The following IPO5 variants were observed in gnomAD, a reference collection of about 807,000 sequenced individuals.
The protein encoded by IPO5 is importin 5.
In IPO5, 18 loss-of-function variants were observed where a neutral mutation model predicts 143.3. That is an observed-to-expected ratio of 0.13 (90% CI 0.09 to 0.19). The LOEUF (loss-of-function observed/expected upper bound fraction) is 0.19. Ranked by LOEUF, IPO5 falls within the 10% of genes least tolerant of loss-of-function variation. The pLI is 1.00. For missense variants in IPO5, 1,013 were observed against 1,336.9 expected (o/e 0.76, Z 3.78); for synonymous variants, 477 against 465.7 (o/e 1.02, Z -0.31).
In IPO5 at chr13:98,021,742, G is replaced by A. The variant is rs757334325; in HGVS notation, c.3214G>A (p.Gly1072Arg). The change falls in exon 29 of 29, where the codon GGA becomes AGA. Residue 1072 changes from glycine (G) to arginine (R), a missense_variant. By Grantham distance (125) the Gly-to-Arg change is moderately radical (BLOSUM62 -2). Transcript: ENST00000651721. ...ANVVRQVQTS[G>R]GLWTECIAQL... is the part of the protein sequence containing the mutation. ...AAAATGTTTCTTTCCCTAGACTTCT[G>A]GAGGACTGTGGACTGAGTGCATAGC... is the stretch of plus-strand genomic sequence containing the variant. 1 of 1,546,006 alleles carries A rather than the reference G, an allele frequency of 6.5e-7. No homozygotes were observed. The highest frequency in any genetic ancestry group is 1.8e-5 in the Admixed American group (1 of 56,954).
At chr13:97,969,169 A>ATTTTTT (rs1566454631) in intron 2 of IPO5, among the ~76,000 whole-genome samples, 1 of 72,300 alleles carries the variant, frequency 1.4e-5, no homozygotes, top group African/African-American at 7.4e-5. Flanking sequence ...ATATATATAT[A>ATTTTTT]TATATATTTT....
intron 11 of IPO5, among the ~76,000 whole-genome samples, chr13:97,995,469 A>T (rs1247189892): frequency 6.6e-6 from 1 of 152,074 alleles, no homozygotes; most frequent in Non-Finnish European, 1.5e-5. Context: ...CTTATTAAAA[A>T]AACAGGCCGG....
intron 2 of IPO5, among the ~76,000 whole-genome samples, chr13:97,964,946 C>T (rs1885198918): frequency 6.6e-6 from 1 of 152,130 alleles, no homozygotes; most frequent in Non-Finnish European, 1.5e-5. Context: ...CAACCAAATG[C>T]CCATCAATGA....
intron 17 of IPO5, 72 bp downstream of exon 17, chr13:98,006,420 G>A (rs1889258045): frequency 1.1e-6 from 1 of 942,078 alleles, no homozygotes; most frequent in East Asian, 2.9e-5. Flanking sequence ...TGTCACCCAG[G>A]CTGGAGTGCA....
chr13:97,955,308 A>C (rs1263393204), intron 2 of IPO5, among the ~76,000 whole-genome samples: 1 of 152,004 alleles, frequency 6.6e-6, no homozygotes, highest in Non-Finnish European at 1.5e-5. Flanking sequence ...AAATATCCTC[A>C]GCTGTCTTCT....
At chr13:97,995,462 A>G (rs140338509) in intron 11 of IPO5, among the ~76,000 whole-genome samples, 5 of 152,134 alleles carry the variant, frequency 3.3e-5, no homozygotes, top group African/African-American at 1.2e-4. Flanking sequence ...TAGACAGCTT[A>G]TTAAAAAAAC....
chr13:97,996,360 G>A (rs1032063503), intron 11 of IPO5, among the ~76,000 whole-genome samples: 2 of 152,036 alleles, frequency 1.3e-5, no homozygotes, highest in East Asian at 1.9e-4. Context: ...CAGGAAATTC[G>A]TAAAAGAGGG....
At chr13:97,989,253 T>G in intron 7 of IPO5, 89 bp downstream of exon 7, 2 of 666,436 alleles carry the variant, frequency 3.0e-6, no homozygotes, top group South Asian at 4.4e-5. Context: ...TAATTTAACC[T>G]TATACTTAAA....
intron 13 of IPO5, among the ~76,000 whole-genome samples, chr13:98,001,403 G>GCAGCCTC (rs1888761104): frequency 6.6e-6 from 1 of 152,096 alleles, no homozygotes; most frequent in Non-Finnish European, 1.5e-5. Flanking sequence ...TCAGCTCACC[G>GCAGCCTC]CAGCCTCCAC....
chr13:98,005,692 A>G (rs1555310010), intron 16 of IPO5, among the ~76,000 whole-genome samples: 5 of 151,976 alleles, frequency 3.3e-5, no homozygotes, highest in Non-Finnish European at 5.9e-5. Flanking sequence ...TTCTGGGGAG[A>G]GGGGGTTAGA....
intron 2 of IPO5, among the ~76,000 whole-genome samples, chr13:97,963,967 A>G (rs1259323088): frequency 6.6e-6 from 1 of 152,004 alleles, no homozygotes; most frequent in African/African-American, 2.4e-5. Context: ...GCTTTTTTTC[A>G]TATGTTTGTT....
At chr13:97,966,133 CAA>C (rs34256210) in intron 2 of IPO5, among the ~76,000 whole-genome samples, 4,244 of 89,274 alleles carry the variant, frequency 0.048, 76 homozygotes, top group South Asian at 0.17. Context: ...GGCCCCCTCT[CAA>C]AAAAAAAAAA....
In IPO5 at chr13:98,018,492, A is replaced by T. The variant is rs762009062; in HGVS notation, c.2624A>T (p.His875Leu). ...AGAGAATTTCTTTTGTAGTGTCCAC[A>T]TAGACCATGGCCAGACAGACAATGG... ...LPLIVNLICP[H>L]RPWPDRQWGL... The change falls in exon 26 of 29, where the codon CAT (histidine) becomes CTT (leucine). Residue 875 changes from histidine (H) to leucine (L), a missense_variant. This residue lies in a region of IPO5 where 685 missense variants were observed against 994.9 expected (regional missense o/e 0.69). Coordinates refer to ENST00000651721, the MANE Select transcript of IPO5 (RefSeq NM_002271.6). The T allele has an allele frequency of 1.2e-6, 2 of 1,612,966 alleles. No individual in the cohort carries two copies. Among genetic ancestry groups the T allele is most frequent in the East Asian group, 2.2e-5 (1 of 44,866 alleles).
In IPO5 at chr13:98,000,812, TAC is replaced by T. The variant is rs1888706947; in HGVS notation, c.1108+169_1108+170del. On this transcript the variant is annotated intron_variant, in intron 13 of 28. Transcript: ENST00000651721. ...AAAATTGTCAATCCCAAAGAAAATGTACAGATTTACTTCCTAGCCAAAAGTAT... is the reference window on the plus strand; with the variant it reads ...AAAATTGTCAATCCCAAAGAAAATGTAGATTTACTTCCTAGCCAAAAGTAT... 4 of 587,092 alleles carry T rather than the reference TAC, an allele frequency of 6.8e-6. No homozygotes were observed. The East Asian group carries it at 1.1e-4, about 16-fold the overall frequency. The allele number at this position is 587,092 out of a possible 1,614,324, so 36.4% of individuals were successfully genotyped here. A position where few individuals can be genotyped will look rare whatever the true frequency, so the allele number is the denominator to read the frequency against.
At chr13:97,956,098 C>T (rs1231186735) in intron 2 of IPO5, among the ~76,000 whole-genome samples, 2 of 150,088 alleles carry the variant, frequency 1.3e-5, no homozygotes, top group African/African-American at 2.5e-5. Context: ...CGCCACTGCA[C>T]TCCAGCCTGG....
chr13:98,010,598 A>T (rs767431686), intron 20 of IPO5, among the ~76,000 whole-genome samples: 1 of 152,124 alleles, frequency 6.6e-6, no homozygotes, highest in African/African-American at 2.4e-5. Context: ...AAGTGTGTTC[A>T]TGCTATTTAA....
chr13:98,021,442 C>T (rs1010354133), intron 28 of IPO5: 5 of 350,578 alleles, frequency 1.4e-5, no homozygotes, highest in Non-Finnish European at 2.5e-5. Context: ...AACTTGTCAT[C>T]TGCCAAAAAA....
At chr13:98,015,866 T>C (rs769999165) in intron 24 of IPO5, 85 bp downstream of exon 24, 2 of 811,846 alleles carry the variant, frequency 2.5e-6, no homozygotes, top group African/African-American at 3.4e-5. Context: ...TTTATGTGAC[T>C]TGTCATTCTG....
chr13:98,000,245 A>G (rs1454784437), intron 12 of IPO5, among the ~76,000 whole-genome samples: 1 of 152,020 alleles, frequency 6.6e-6, no homozygotes, highest in African/African-American at 2.4e-5. Flanking sequence ...AGATCGTGCC[A>G]CTGCGCTCCA....
Sources: gnomAD v4.1 joint callset for allele counts (sites outside exome capture counted in the v4.1 genomes callset) on GRCh38, gnomAD v4.1.1 for gene constraint, gnomAD v4.1.1 regional missense constraint, MANE v1.5 for transcripts, NCBI Gene and HGNC (gene_info 2026-07-23, HGNC 2026-07-21) for gene names.